LSAMP: variants seen among roughly 807,000 people sequenced by gnomAD.
The protein encoded by LSAMP is limbic system associated membrane protein, also known as limbic system-associated membrane protein.
Under a neutral mutation model 38.6 loss-of-function variants are expected in LSAMP, and 7 were observed. The observed-to-expected ratio is 0.18, with a 90% CI of 0.10 to 0.34. The LOEUF is 0.34. LSAMP is among the 10% of genes least tolerant of loss of function. LSAMP has a pLI of 1.00. For synonymous variants in LSAMP, 154 were observed against 166.8 expected (o/e 0.92, Z 0.59); for missense variants, 313 against 420.0 (o/e 0.75, Z 2.23).
intron 1 of LSAMP, among the ~76,000 whole-genome samples, chr3:116,181,703 C>A (rs1470333837): frequency 2.0e-5 from 3 of 151,936 alleles, no homozygotes; most frequent in Non-Finnish European, 4.4e-5. Context: ...TTATTCATCA[C>A]AATATCCTAA....
At chr3:116,249,285 T>C (rs1444064905) in intron 1 of LSAMP, among the ~76,000 whole-genome samples, 1 of 152,154 alleles carries the variant, frequency 6.6e-6, no homozygotes, top group Non-Finnish European at 1.5e-5. Context: ...ACTCTTTATC[T>C]GATATTTTTT....
At chr3:116,153,642 G>A (rs1709674352) in intron 1 of LSAMP, among the ~76,000 whole-genome samples, 1 of 152,076 alleles carries the variant, frequency 6.6e-6, no homozygotes, top group Non-Finnish European at 1.5e-5. Flanking sequence ...TTAGGGTTCA[G>A]AAATTGTTCT....
intron 1 of LSAMP, among the ~76,000 whole-genome samples, chr3:116,177,738 T>G (rs1365384118): frequency 6.6e-6 from 1 of 152,176 alleles, no homozygotes; most frequent in Non-Finnish European, 1.5e-5. Flanking sequence ...GTGGCCTAGA[T>G]GAGATTGCCG....
intron 1 of LSAMP, among the ~76,000 whole-genome samples, chr3:116,265,772 C>T (rs929955250): frequency 2.0e-5 from 3 of 152,090 alleles, no homozygotes; most frequent in Non-Finnish European, 4.4e-5. Context: ...ATATCAAGAT[C>T]CCATTAGGAT....
intron 3 of LSAMP, among the ~76,000 whole-genome samples, chr3:115,921,577 T>A (rs1937383608): frequency 6.6e-6 from 1 of 152,098 alleles, no homozygotes; most frequent in African/African-American, 2.4e-5. Context: ...AAAAAGTGAT[T>A]TATGTACTGC....
intron 2 of LSAMP, among the ~76,000 whole-genome samples, chr3:116,046,768 A>G (rs1184765749): frequency 6.6e-6 from 1 of 152,240 alleles, no homozygotes; most frequent in East Asian, 1.9e-4. Context: ...CTGAATTTCT[A>G]AAGGCAAAAC....
chr3:115,868,840 G>A (rs928817990), intron 3 of LSAMP, among the ~76,000 whole-genome samples: 2 of 151,940 alleles, frequency 1.3e-5, no homozygotes, highest in African/African-American at 4.8e-5. Context: ...ATTTGATTGT[G>A]CTTTTTTACA....
At chr3:116,150,849 A>G (rs1190973683) in intron 1 of LSAMP, among the ~76,000 whole-genome samples, 1 of 152,052 alleles carries the variant, frequency 6.6e-6, no homozygotes, top group African/African-American at 2.4e-5. Context: ...AGAAAGAAGA[A>G]AAACCTGCTG....
At chr3:115,905,771 C>CCCCTTGCATTGGGAACTGT (rs1559875225) in intron 3 of LSAMP, among the ~76,000 whole-genome samples, 1 of 152,138 alleles carries the variant, frequency 6.6e-6, no homozygotes, top group Non-Finnish European at 1.5e-5. Flanking sequence ...TTGGTACCTA[C>CCCCTTGCATTGGGAACTGT]AGTTCCCAGC....
At chr3:115,968,942 G>T (rs552531127) in intron 3 of LSAMP, among the ~76,000 whole-genome samples, 61 of 152,244 alleles carry the variant, frequency 4.0e-4, no homozygotes, top group African/African-American at 1.3e-3. Context: ...CACTGGCTGG[G>T]GTCTACCCAG....
intron 1 of LSAMP, among the ~76,000 whole-genome samples, chr3:116,441,541 C>A (rs551006880): frequency 6.6e-6 from 1 of 152,258 alleles, no homozygotes; most frequent in Non-Finnish European, 1.5e-5. Context: ...TTGAAATACC[C>A]TCTATTTCTG....
At chr3:116,276,625 G>GTACTT (rs2047055360) in intron 1 of LSAMP, among the ~76,000 whole-genome samples, 1 of 146,180 alleles carries the variant, frequency 6.8e-6, no homozygotes, top group Admixed American at 7.0e-5. Flanking sequence ...CACCAATTAA[G>GTACTT]TACTTACATA....
intron 1 of LSAMP, among the ~76,000 whole-genome samples, chr3:116,271,832 C>T (rs2046978156): frequency 6.6e-6 from 1 of 151,928 alleles, no homozygotes; most frequent in Non-Finnish European, 1.5e-5. Context: ...CAAACTTATT[C>T]TTGGGCTCCT....
chr3:116,408,384 T>C (rs1452779216), intron 1 of LSAMP, among the ~76,000 whole-genome samples: 1 of 152,088 alleles, frequency 6.6e-6, no homozygotes, highest in Non-Finnish European at 1.5e-5. Flanking sequence ...AATTGACAAA[T>C]CTACAGTGTG....
rs544795760 is a variant in LSAMP at position 115,842,062 on chromosome 3, C to G, written c.771-69G>C. The stretch of plus-strand genomic sequence containing the variant: ...GATTTTAGCTTAGGAATTCTTTCCC[C>G]ATCCTGACACTGGAGGAAAAGGAGA... On this transcript the variant is annotated intron_variant, in intron 5 of 6. Transcript: ENST00000490035. 7 of 1,467,208 alleles carry G rather than the reference C, an allele frequency of 4.8e-6. No individual in the cohort carries two copies. The Admixed American group carries it at 1.4e-4, about 30-fold the overall frequency. 90.9% of individuals were successfully genotyped at this position (1,467,208 alleles called of 1,614,324 possible).
rs577535547 is a variant in LSAMP at position 115,805,430 on chromosome 3, T to C, written c.*4887A>G. On this transcript the variant is annotated 3_prime_UTR_variant, in exon 7 of 7. Transcript: ENST00000490035. ...GAATCATAGTAAACCTTAGCAGTAG[T>C]TGGGCACTGCATGAAAAATGAAGTT... 1 of 152,288 alleles carries C rather than the reference T, an allele frequency of 6.6e-6. No individual in the cohort carries two copies. Among genetic ancestry groups the C allele is most frequent in the African/African-American group, 2.4e-5 (1 of 41,568 alleles). The allele number at this position is 152,288 out of a possible 1,614,324, so 9.4% of individuals were successfully genotyped here. A position where few individuals can be genotyped will look rare whatever the true frequency, so the allele number is the denominator to read the frequency against.
At chr3:115,991,682 G>T (rs1009315520) in intron 3 of LSAMP, among the ~76,000 whole-genome samples, 1 of 152,008 alleles carries the variant, frequency 6.6e-6, no homozygotes, top group Non-Finnish European at 1.5e-5. Context: ...AAGAAAATGC[G>T]GCTTGTAGCC....
chr3:115,824,868 C>G (rs1247985102), intron 6 of LSAMP, among the ~76,000 whole-genome samples: 1 of 152,012 alleles, frequency 6.6e-6, no homozygotes, highest in African/African-American at 2.4e-5. Context: ...TTTCATTTAT[C>G]TGACTTGGTA....
At chr3:115,915,810 T>C (rs1216524469) in intron 3 of LSAMP, among the ~76,000 whole-genome samples, 1 of 152,090 alleles carries the variant, frequency 6.6e-6, no homozygotes. Context: ...TTTTTGTATT[T>C]CTAGTAGAGA....
Sources: allele counts gnomAD v4.1 joint callset (sites outside exome capture counted in the v4.1 genomes callset), GRCh38; gene constraint gnomAD v4.1.1; transcripts MANE v1.5; gene names NCBI Gene and HGNC (gene_info 2026-07-23, HGNC 2026-07-21).